Variants in SESTD1 observed in about 807,000 individuals in gnomAD.
SESTD1 encodes the protein SEC14 domain and spectrin repeat-containing protein 1.
In SESTD1, 43 loss-of-function variants were observed where a neutral mutation model predicts 101.7. That is an observed-to-expected ratio of 0.42 (90% CI 0.33 to 0.55). The LOEUF is 0.55. SESTD1 is among the 20% of genes least tolerant of loss of function. The pLI, the probability that SESTD1 is intolerant of heterozygous loss-of-function variation, is 0.07. For synonymous variants in SESTD1, 283 were observed against 286.8 expected (o/e 0.99, Z 0.13); for missense variants, 647 against 815.1 (o/e 0.79, Z 2.51).
intron 4 of SESTD1, among the ~76,000 whole-genome samples, chr2:179,172,736 C>T (rs781341179): frequency 2.0e-5 from 3 of 152,112 alleles, no homozygotes; most frequent in Non-Finnish European, 2.9e-5. Context: ...TAATCTTTGA[C>T]GAATACAATT....
chr2:179,164,111 T>A (rs2045792387), intron 5 of SESTD1, among the ~76,000 whole-genome samples: 1 of 152,206 alleles, frequency 6.6e-6, no homozygotes, highest in Non-Finnish European at 1.5e-5. Flanking sequence ...GTATATATGT[T>A]CATACACATA....
Position 179,206,493 on chromosome 2 carries a change from T to G in SESTD1, c.-25-14627A>C. On this transcript the variant is annotated intron_variant, in intron 1 of 17. Coordinates refer to ENST00000428443, the MANE Select transcript of SESTD1 (RefSeq NM_178123.5). ...GGAGAAGCAGCAGCTGGAAGAGCCC[T>G]GTAGGCACTCCTGGTCCCCAGCATG... Among the ~76,000 whole-genome samples, 2 of 135,748 alleles carry G rather than the reference T, an allele frequency of 1.5e-5. 1 individual carries two copies. The highest frequency in any genetic ancestry group is 1.4e-4 in the Admixed American group (2 of 14,036). The allele number at this position is 135,748 out of a possible 152,430, so 89.1% of individuals were successfully genotyped here.
At chr2:179,194,746 C>CA (rs1433907458) in intron 1 of SESTD1, among the ~76,000 whole-genome samples, 1 of 152,090 alleles carries the variant, frequency 6.6e-6, no homozygotes, top group African/African-American at 2.4e-5. Context: ...TAAATTATGC[C>CA]AAACTAAGGG....
intron 1 of SESTD1, among the ~76,000 whole-genome samples, chr2:179,209,202 TG>T (rs2046622715): frequency 7.4e-6 from 1 of 134,414 alleles, no homozygotes; most frequent in Admixed American, 7.2e-5. Flanking sequence ...CACCTAACAG[TG>T]GTGCTCCCAA....
At chr2:179,230,023 G>A (rs900364565) in intron 1 of SESTD1, among the ~76,000 whole-genome samples, 6 of 143,048 alleles carry the variant, frequency 4.2e-5, no homozygotes, top group East Asian at 2.2e-4. Flanking sequence ...AAAAAATAAC[G>A]TTAGGACAAT....
chr2:179,201,144 T>C (rs1054469285), intron 1 of SESTD1, among the ~76,000 whole-genome samples: 1 of 134,872 alleles, frequency 7.4e-6, no homozygotes, highest in African/African-American at 2.9e-5. Context: ...AAAGAAGACA[T>C]TAATGCAGCC....
At chr2:179,153,148 A>C (rs1324318887) in intron 5 of SESTD1, among the ~76,000 whole-genome samples, 1 of 152,230 alleles carries the variant, frequency 6.6e-6, no homozygotes, top group Non-Finnish European at 1.5e-5. Context: ...ACTCAGAAGA[A>C]TAGACATATT....
intron 8 of SESTD1, among the ~76,000 whole-genome samples, chr2:179,145,716 G>A (rs1263080053): frequency 2.0e-5 from 3 of 152,202 alleles, no homozygotes; most frequent in African/African-American, 7.2e-5. Flanking sequence ...TTTGGCTTTG[G>A]ATTTAGCTAT....
intron 2 of SESTD1, among the ~76,000 whole-genome samples, chr2:179,186,087 C>T (rs1034809098): frequency 6.8e-6 from 1 of 146,438 alleles, no homozygotes; most frequent in Non-Finnish European, 1.5e-5. Flanking sequence ...TAATATAATA[C>T]ATACTAGGAA....
At chr2:179,135,150 G>C (rs1174553701) in intron 9 of SESTD1, among the ~76,000 whole-genome samples, 1 of 151,946 alleles carries the variant, frequency 6.6e-6, no homozygotes, top group East Asian at 1.9e-4. Context: ...TCACCATCTT[G>C]GCCAGGCTGG....
At position 179,104,706 on chromosome 2, in the gene SESTD1, A is replaced by G. The variant is rs992261293; in HGVS notation, c.*5193T>C. The G allele has an allele frequency of 6.6e-6, 1 of 152,130 alleles. No individual in the cohort carries two copies. The highest frequency in any genetic ancestry group is 6.6e-5 in the Admixed American group (1 of 15,258). The allele number at this position is 152,130 out of a possible 1,614,324, so 9.4% of individuals were successfully genotyped here. ...AATCCCTAATAACACTGCTCCTGATAAGTAGCAGTTGATAACTACTTTCAG... is the reference window on the plus strand; with the variant it reads ...AATCCCTAATAACACTGCTCCTGATGAGTAGCAGTTGATAACTACTTTCAG... On this transcript the variant is annotated 3_prime_UTR_variant, in exon 18 of 18. Coordinates refer to ENST00000428443, the MANE Select transcript of SESTD1 (RefSeq NM_178123.5).
At chr2:179,166,898 T>C (rs1321888652) in intron 5 of SESTD1, among the ~76,000 whole-genome samples, 5 of 152,212 alleles carry the variant, frequency 3.3e-5, no homozygotes, top group Non-Finnish European at 5.9e-5. Context: ...CCTTCTCTTA[T>C]GCTATCAAAA....
At chr2:179,155,750 T>A in intron 5 of SESTD1, among the ~76,000 whole-genome samples, 1 of 152,244 alleles carries the variant, frequency 6.6e-6, no homozygotes, top group East Asian at 1.9e-4. Flanking sequence ...TTATTTTTAA[T>A]TTTCCATAGG....
Position 179,117,538 on chromosome 2 carries a change from A to G in SESTD1, c.1518T>C (p.Ala506=). The change falls in exon 14 of 18, where the codon GCT becomes GCC. Residue 506 remains alanine (A), a synonymous_variant. Transcript: ENST00000428443. ...MVQLFKCEED[A]AQAVEWLSEL... ...GTAGCTGACTGCTCCTTACCTGGGC[A>G]GCATCTTCTTCACATTTAAACAACT... The G allele has an allele frequency of 1.3e-6, 2 of 1,573,768 alleles. No individual in the cohort carries two copies. The highest frequency in any genetic ancestry group is 1.7e-6 in the Non-Finnish European group (2 of 1,166,056).
At chr2:179,239,554 A>C (rs2047119292) in intron 1 of SESTD1, among the ~76,000 whole-genome samples, 1 of 152,152 alleles carries the variant, frequency 6.6e-6, no homozygotes, top group Non-Finnish European at 1.5e-5. Context: ...GGAGCTTTTA[A>C]AAAATATAAA....
intron 9 of SESTD1, among the ~76,000 whole-genome samples, chr2:179,136,380 C>A (rs1381239666): frequency 6.6e-6 from 1 of 152,174 alleles, no homozygotes; most frequent in East Asian, 1.9e-4. Flanking sequence ...TTTACAATAA[C>A]AACCCTGAGT....
At chr2:179,141,422 G>C (rs969588841) in intron 9 of SESTD1, among the ~76,000 whole-genome samples, 8 of 152,010 alleles carry the variant, frequency 5.3e-5, no homozygotes, top group Admixed American at 2.0e-4. Flanking sequence ...GTGTCATCAT[G>C]TAATTATCTC....
At chr2:179,192,250 A>G (rs1379954399) in intron 1 of SESTD1, among the ~76,000 whole-genome samples, 3 of 152,218 alleles carry the variant, frequency 2.0e-5, no homozygotes, top group Non-Finnish European at 4.4e-5. Context: ...TGTTGAATAA[A>G]CAAATGAATC....
At chr2:179,149,460 C>G in intron 6 of SESTD1, 66 bp from the exon 7 acceptor site, 1 of 1,114,666 alleles carries the variant, frequency 9.0e-7, no homozygotes, top group Non-Finnish European at 1.3e-6. Context: ...TAAGGATTGT[C>G]AGTTAAGAGT....
Sources: allele counts gnomAD v4.1 joint callset (sites outside exome capture counted in the v4.1 genomes callset), GRCh38; gene constraint gnomAD v4.1.1; transcripts MANE v1.5; gene names NCBI Gene and HGNC (gene_info 2026-07-23, HGNC 2026-07-21).